Variants in TCERG1L observed in about 807,000 individuals in gnomAD.
TCERG1L encodes transcription elongation regulator 1 like, also known as transcription elongation regulator 1-like protein.
Under a neutral mutation model 56.3 loss-of-function variants are expected in TCERG1L, and 37 were observed. That is an observed-to-expected ratio of 0.66 (90% CI 0.51 to 0.87). TCERG1L has a LOEUF of 0.87. Among genes scored for constraint, TCERG1L ranks in the 40% least tolerant of loss-of-function variants. The probability of loss-of-function intolerance (pLI) is 0.00; values close to 1 mark genes in which losing one functional copy is unlikely to be tolerated. For synonymous variants in TCERG1L, 324 were observed against 326.3 expected (o/e 0.99, Z 0.08); for missense variants, 799 against 774.2 (o/e 1.03, Z -0.38).
intron 6 of TCERG1L, among the ~76,000 whole-genome samples, chr10:131,156,936 G>A (rs573345456): frequency 6.6e-6 from 1 of 152,270 alleles, no homozygotes; most frequent in African/African-American, 2.4e-5. Flanking sequence ...GTTGTCTGCA[G>A]CTCATCCTGC....
At chr10:131,109,042 G>A (rs1203135330) in intron 9 of TCERG1L, among the ~76,000 whole-genome samples, 1 of 151,564 alleles carries the variant, frequency 6.6e-6, no homozygotes, top group Non-Finnish European at 1.5e-5. Flanking sequence ...TCAAGGAGAG[G>A]ACCACCCAGG....
intron 3 of TCERG1L, among the ~76,000 whole-genome samples, chr10:131,280,906 T>C (rs7090823): frequency 0.036 from 5,423 of 152,232 alleles, 148 homozygotes; most frequent in East Asian, 0.087. Flanking sequence ...AGGTATAAAG[T>C]GAAGAAATTT....
chr10:131,174,306 G>A (rs1289024039), intron 4 of TCERG1L, among the ~76,000 whole-genome samples: 2 of 152,206 alleles, frequency 1.3e-5, no homozygotes, highest in African/African-American at 2.4e-5. Flanking sequence ...CCAGCATCAC[G>A]CCCGGCCGCA....
At chr10:131,215,999 C>T (rs1046630820) in intron 4 of TCERG1L, among the ~76,000 whole-genome samples, 11 of 152,234 alleles carry the variant, frequency 7.2e-5, no homozygotes, top group Middle Eastern at 3.4e-3. Flanking sequence ...GCCCAGACTC[C>T]CCATGACACA....
rs188842594 is a variant in TCERG1L at position 131,104,609 on chromosome 10, G to A, written c.1396-255C>T. On this transcript the variant is annotated intron_variant, in intron 9 of 11. Coordinates refer to ENST00000368642, the MANE Select transcript of TCERG1L (RefSeq NM_174937.4). ...GGTATCTTTCAGGGGTGTGTCCCCC[G>A]ATCTGAAACCCCAATTATACCTGTG... is the stretch of plus-strand genomic sequence containing the variant. 2.4e-4 allele frequency among the ~76,000 whole-genome samples: 36 copies of A among 152,158 alleles called. No homozygotes were observed. The East Asian group carries it at 5.2e-3, about 22-fold the overall frequency.
At chr10:131,117,044 C>A in intron 8 of TCERG1L, 110 bp from the exon 9 acceptor site, 2 of 1,357,258 alleles carry the variant, frequency 1.5e-6, no homozygotes, top group Non-Finnish European at 2.0e-6. Flanking sequence ...GCACAGTCTC[C>A]TTGACAACTC....
chr10:131,294,702 A>C (rs1846669184), intron 3 of TCERG1L, among the ~76,000 whole-genome samples: 1 of 152,174 alleles, frequency 6.6e-6, no homozygotes, highest in Admixed American at 6.5e-5. Flanking sequence ...CATCACTCCA[A>C]CAAATTAACA....
intron 7 of TCERG1L, among the ~76,000 whole-genome samples, chr10:131,138,520 A>G (rs1845699186): frequency 6.6e-6 from 1 of 152,198 alleles, no homozygotes; most frequent in Non-Finnish European, 1.5e-5. Flanking sequence ...ACTTTTCAAC[A>G]AAAAACTCAA....
At chr10:131,237,678 C>T (rs1369427940) in intron 4 of TCERG1L, among the ~76,000 whole-genome samples, 2 of 152,190 alleles carry the variant, frequency 1.3e-5, no homozygotes, top group East Asian at 1.9e-4. Context: ...GTGATCTCCA[C>T]GTTGAACACC....
chr10:131,122,020 C>T (rs554286335), intron 8 of TCERG1L, among the ~76,000 whole-genome samples: 2 of 152,362 alleles, frequency 1.3e-5, no homozygotes, highest in Admixed American at 1.3e-4. Flanking sequence ...TCTCTTGCAG[C>T]CTCACTTCTA....
At chr10:131,263,969 G>A (rs2062074632) in intron 3 of TCERG1L, among the ~76,000 whole-genome samples, 1 of 152,192 alleles carries the variant, frequency 6.6e-6, no homozygotes, top group Non-Finnish European at 1.5e-5. Context: ...AGGAAAAGAT[G>A]GTATCAGAAT....
At chr10:131,248,349 C>A (rs1194945774) in intron 4 of TCERG1L, among the ~76,000 whole-genome samples, 1 of 152,180 alleles carries the variant, frequency 6.6e-6, no homozygotes. Flanking sequence ...AATGTCAGAG[C>A]CAGGACAATG....
intron 6 of TCERG1L, among the ~76,000 whole-genome samples, chr10:131,153,086 G>A (rs1235280647): frequency 6.6e-6 from 1 of 152,102 alleles, no homozygotes. Context: ...TTCATTAAGG[G>A]GTCCTGGGCA....
intron 3 of TCERG1L, among the ~76,000 whole-genome samples, chr10:131,297,507 G>T (rs1463784428): frequency 1.3e-5 from 2 of 152,092 alleles, no homozygotes; most frequent in Non-Finnish European, 2.9e-5. Flanking sequence ...TTGCATGTAT[G>T]TTCAAAAATT....
chr10:131,147,015 C>T (rs1250739267), intron 6 of TCERG1L, among the ~76,000 whole-genome samples: 1 of 151,940 alleles, frequency 6.6e-6, no homozygotes, highest in African/African-American at 2.4e-5. Context: ...CACTCTGGGG[C>T]GCCTCCTGGC....
chr10:131,236,150 T>C (rs1436688707), intron 4 of TCERG1L, among the ~76,000 whole-genome samples: 1 of 152,212 alleles, frequency 6.6e-6, no homozygotes, highest in Non-Finnish European at 1.5e-5. Flanking sequence ...GTCTTGCCTA[T>C]ATGCAAACAC....
At chr10:131,201,125 G>C (rs1392182844) in intron 4 of TCERG1L, among the ~76,000 whole-genome samples, 2 of 152,182 alleles carry the variant, frequency 1.3e-5, no homozygotes, top group Non-Finnish European at 2.9e-5. Flanking sequence ...AAACGTGGAG[G>C]GGACACATTG....
Position 131,119,620 on chromosome 10 carries a change from G to A in TCERG1L, c.1260-2686C>T, listed in dbSNP as rs988261513. On this transcript the variant is annotated intron_variant, in intron 8 of 11. Coordinates refer to ENST00000368642, the MANE Select transcript of TCERG1L (RefSeq NM_174937.4). The stretch of plus-strand genomic sequence containing the variant: ...GCACAATACTCTGTGCAGGGCTGCC[G>A]CACGCCTTCCAAATGGCTATCCGTT... 3.3e-5 allele frequency among the ~76,000 whole-genome samples: 5 copies of A among 152,342 alleles called. No individual in the cohort carries two copies. In the South Asian group the frequency reaches 6.2e-4, roughly 19 times the overall value.
rs151192647 is a variant in TCERG1L, at chr10:131,153,633, T to C, written c.1035-6973A>G. The stretch of plus-strand genomic sequence containing the variant: ...CCCCAGATCCTAGGCCAGCATTTGT[T>C]GTAAGTGCAGTGCCTCAGGATGCAC... On this transcript the variant is annotated intron_variant, in intron 6 of 11. Transcript: ENST00000368642. Among the ~76,000 whole-genome samples the C allele has an allele frequency of 2.4e-3, 367 of 152,310 alleles. 2 individuals carry two copies. In the South Asian group the frequency reaches 0.029, roughly 12 times the overall value.
Sources: gnomAD v4.1 joint callset for allele counts (sites outside exome capture counted in the v4.1 genomes callset) on GRCh38, gnomAD v4.1.1 for gene constraint, MANE v1.5 for transcripts, NCBI Gene and HGNC (gene_info 2026-07-23, HGNC 2026-07-21) for gene names.